NEDD4: variants seen among roughly 807,000 people sequenced by gnomAD.
NEDD4 encodes E3 ubiquitin-protein ligase NEDD4.
A neutral mutation model predicts 144.9 loss-of-function variants in NEDD4; 99 were observed. The observed-to-expected ratio is 0.68, with a 90% CI of 0.58 to 0.81. The LOEUF is 0.81. Ranked by LOEUF, NEDD4 falls within the 30% of genes least tolerant of loss-of-function variation. NEDD4 has a pLI of 0.00. For missense variants in NEDD4, 985 were observed against 1,065.9 expected, an observed-to-expected ratio of 0.92 and a Z score of 1.06; for synonymous variants, 318 against 350.6, an observed-to-expected ratio of 0.91 and a Z score of 1.04.
At chr15:55,956,687 T>A (rs1489137400) in intron 2 of NEDD4, among the ~76,000 whole-genome samples, 1 of 152,240 alleles carries the variant, frequency 6.6e-6, no homozygotes, top group East Asian at 1.9e-4. Context: ...CTCATGCCAC[T>A]GCCACTCTGT....
intron 12 of NEDD4, among the ~76,000 whole-genome samples, chr15:55,855,782 A>G (rs2034169429): frequency 3.3e-5 from 5 of 152,216 alleles, no homozygotes; most frequent in Non-Finnish European, 7.3e-5. Flanking sequence ...CAGGGCAGAC[A>G]TGGCTGCTGG....
At chr15:55,986,282 T>C (rs1415034144) in intron 1 of NEDD4, among the ~76,000 whole-genome samples, 1 of 152,156 alleles carries the variant, frequency 6.6e-6, no homozygotes, top group African/African-American at 2.4e-5. Context: ...AGAAATAGGA[T>C]ATTGGCATAA....
chr15:55,908,864 A>G (rs1399616570), intron 5 of NEDD4, among the ~76,000 whole-genome samples: 1 of 152,096 alleles, frequency 6.6e-6, no homozygotes, highest in Admixed American at 6.6e-5. Context: ...ACATAATGAG[A>G]CCTCATCATA....
chr15:55,923,083 C>G (rs1474800984), intron 5 of NEDD4, among the ~76,000 whole-genome samples: 2 of 151,898 alleles, frequency 1.3e-5, no homozygotes, highest in East Asian at 3.9e-4. Flanking sequence ...ACTTGGAAGG[C>G]TGAGGCAGGA....
At chr15:55,934,996 G>C (rs568803110) in intron 4 of NEDD4, among the ~76,000 whole-genome samples, 1 of 146,720 alleles carries the variant, frequency 6.8e-6, no homozygotes, top group Admixed American at 7.1e-5. Flanking sequence ...AGCCTCCCAA[G>C]TAGCTGTAAT....
At chr15:55,968,776 C>T (rs1386457496) in intron 1 of NEDD4, among the ~76,000 whole-genome samples, 1 of 152,080 alleles carries the variant, frequency 6.6e-6, no homozygotes, top group African/African-American at 2.4e-5. Flanking sequence ...TTAGATGTTT[C>T]CCTAGATAAA....
In NEDD4 at chr15:55,909,591, C is replaced by G. The variant is rs183839471; in HGVS notation, c.291+15055G>C. 5.3e-5 allele frequency among the ~76,000 whole-genome samples: 8 copies of G among 152,270 alleles called. No homozygotes were observed. The East Asian group carries it at 1.5e-3, about 29-fold the overall frequency. On this transcript the variant is annotated intron_variant, in intron 5 of 28. Transcript: ENST00000435532. ...TCCTTCTGCTAACCACCTTCCTGAC[C>G]TCAACACATCGCCTGGCCTCACCCA...
At chr15:55,888,201 G>C (rs1189079053) in intron 5 of NEDD4, among the ~76,000 whole-genome samples, 1 of 152,228 alleles carries the variant, frequency 6.6e-6, no homozygotes, top group East Asian at 1.9e-4. Flanking sequence ...CATTATCCTT[G>C]TTTGTAGATG....
intron 1 of NEDD4, among the ~76,000 whole-genome samples, chr15:55,988,709 T>C (rs1446914076): frequency 2.0e-5 from 3 of 152,060 alleles, no homozygotes; most frequent in African/African-American, 7.2e-5. Flanking sequence ...GGGGGTATGG[T>C]TGTTATGCAG....
intron 8 of NEDD4, among the ~76,000 whole-genome samples, chr15:55,865,010 C>G (rs2034536446): frequency 6.6e-6 from 1 of 151,650 alleles, no homozygotes; most frequent in Admixed American, 6.6e-5. Flanking sequence ...CCAGCCTGGC[C>G]AACATGGTGA....
chr15:55,870,708 A>AT (rs1303084898), intron 7 of NEDD4, among the ~76,000 whole-genome samples: 1 of 151,644 alleles, frequency 6.6e-6, no homozygotes, highest in Non-Finnish European at 1.5e-5. Context: ...TAATTTTTGT[A>AT]TTTTTTTGTA....
At chr15:55,983,070 C>T (rs12911833) in intron 1 of NEDD4, among the ~76,000 whole-genome samples, 8,083 of 151,778 alleles carry the variant, frequency 0.053, 273 homozygotes, top group East Asian at 0.15. Flanking sequence ...TGCAGTGAAC[C>T]GAGATTGCGC....
chr15:55,908,493 C>G (rs1030229368), intron 5 of NEDD4, among the ~76,000 whole-genome samples: 1 of 152,088 alleles, frequency 6.6e-6, no homozygotes, highest in Non-Finnish European at 1.5e-5. Flanking sequence ...CGACTTTGAA[C>G]TGTATTACTG....
chr15:55,840,145 C>G (rs1348458212), intron 21 of NEDD4, among the ~76,000 whole-genome samples: 1 of 149,086 alleles, frequency 6.7e-6, no homozygotes, highest in African/African-American at 2.5e-5. Flanking sequence ...TTATCTATAA[C>G]TTACTCTGAA....
intron 5 of NEDD4, among the ~76,000 whole-genome samples, chr15:55,918,007 C>G (rs1566951518): frequency 6.6e-6 from 1 of 152,114 alleles, no homozygotes; most frequent in Non-Finnish European, 1.5e-5. Flanking sequence ...ACTCTAAGAG[C>G]TCTTTGCTGG....
intron 2 of NEDD4, among the ~76,000 whole-genome samples, chr15:55,955,008 C>T (rs1282471368): frequency 6.6e-6 from 1 of 152,086 alleles, no homozygotes; most frequent in African/African-American, 2.4e-5. Context: ...CATTGCACTG[C>T]ACTGCACTGC....
intron 6 of NEDD4, among the ~76,000 whole-genome samples, chr15:55,873,044 C>A (rs1237411533): frequency 6.6e-6 from 1 of 151,890 alleles, no homozygotes; most frequent in African/African-American, 2.4e-5. Context: ...TTTTATTATC[C>A]TTCTCTGATG....
chr15:55,945,381 A>G (rs1183868448), intron 4 of NEDD4, among the ~76,000 whole-genome samples: 15 of 152,234 alleles, frequency 9.9e-5, no homozygotes, highest in Non-Finnish European at 1.8e-4. Context: ...AAGCTTCAGT[A>G]GCTGATTCAA....
At chr15:55,885,199 G>A (rs2035341921) in intron 5 of NEDD4, among the ~76,000 whole-genome samples, 1 of 152,102 alleles carries the variant, frequency 6.6e-6, no homozygotes, top group Non-Finnish European at 1.5e-5. Flanking sequence ...TATATCTGGC[G>A]AAAATGTCCT....
Sources: allele counts gnomAD v4.1 joint callset (sites outside exome capture counted in the v4.1 genomes callset), GRCh38; gene constraint gnomAD v4.1.1; transcripts MANE v1.5; gene names NCBI Gene and HGNC (gene_info 2026-07-23, HGNC 2026-07-21).